The following FAM107B variants were observed in gnomAD, a reference collection of about 807,000 sequenced individuals.
The protein encoded by FAM107B is family with sequence similarity 107 member B, also known as protein FAM107B.
FAM107B carries 21 observed loss-of-function variants against 31.5 expected under a neutral mutation model. The ratio of observed to expected loss-of-function variants is 0.67; its 90% CI spans 0.47 to 0.96. The LOEUF is 0.96. Among genes scored for constraint, FAM107B ranks in the 40% least tolerant of loss-of-function variants. FAM107B has a pLI of 0.00. For missense variants in FAM107B, 452 were observed against 377.1 expected, an observed-to-expected ratio of 1.20 and a Z score of -1.64; for synonymous variants, 157 against 141.5, an observed-to-expected ratio of 1.11 and a Z score of -0.78.
intron 2 of FAM107B, among the ~76,000 whole-genome samples, chr10:14,631,406 T>C (rs969401248): frequency 2.0e-4 from 31 of 152,242 alleles, no homozygotes; most frequent in Non-Finnish European, 4.4e-5. Flanking sequence ...GTTATCTGTT[T>C]AAACAGAAGA....
chr10:14,543,420 G>A (rs1010881176), intron 2 of FAM107B, among the ~76,000 whole-genome samples: 3 of 152,158 alleles, frequency 2.0e-5, no homozygotes, highest in African/African-American at 7.2e-5. Context: ...GAAGGAGCAT[G>A]CAGTCCTGAG....
At chr10:14,645,708 G>A (rs868008182) in intron 2 of FAM107B, among the ~76,000 whole-genome samples, 9 of 152,232 alleles carry the variant, frequency 5.9e-5, no homozygotes, top group Middle Eastern at 3.4e-3. Context: ...GACAAACAGC[G>A]GCAATTCCAA....
chr10:14,605,661 T>C (rs1293014119), intron 2 of FAM107B, among the ~76,000 whole-genome samples: 2 of 152,228 alleles, frequency 1.3e-5, no homozygotes, highest in Admixed American at 6.5e-5. Context: ...GTGGAATCCC[T>C]GCCAGAGAAC....
intron 1 of FAM107B, among the ~76,000 whole-genome samples, chr10:14,677,863 T>C (rs1277054867): frequency 6.6e-6 from 1 of 152,178 alleles, no homozygotes; most frequent in African/African-American, 2.4e-5. Context: ...TCTTTGGATG[T>C]TTCTGGTGCA....
At chr10:14,773,709 C>T (rs879847885) in intron 1 of FAM107B, among the ~76,000 whole-genome samples, 3 of 152,134 alleles carry the variant, frequency 2.0e-5, no homozygotes, top group Non-Finnish European at 4.4e-5. Context: ...ATCACAAAAA[C>T]ATCCATATTA....
chr10:14,723,702 C>A lies in FAM107B; in HGVS notation c.411+50551G>T. 9.3e-6 allele frequency: 7 copies of A among 755,772 alleles called. No individual in the cohort carries two copies. In the East Asian group the frequency reaches 1.5e-4, roughly 16 times the overall value. The allele number at this position is 755,772 out of a possible 1,614,324, so 46.8% of individuals were successfully genotyped here. ...GGTCAGTAACCACAAGAAGTCATGG[C>A]TCCCAGAAGGCTGCCTGGATCTGGT... On this transcript the variant is annotated intron_variant, in intron 1 of 4. Transcript: ENST00000181796.
chr10:14,619,700 G>C (rs1475781504), intron 2 of FAM107B, among the ~76,000 whole-genome samples: 2 of 77,940 alleles, frequency 2.6e-5, no homozygotes, highest in African/African-American at 9.8e-5. Context: ...TTGTGTTTGT[G>C]TCCTAGCTAA....
intron 1 of FAM107B, chr10:14,723,052 T>C (rs911996619): frequency 8.5e-6 from 3 of 353,568 alleles, no homozygotes; most frequent in Admixed American, 3.8e-5. Flanking sequence ...TTAGGTCTTA[T>C]ATTTGTGTCT....
In FAM107B at chr10:14,560,579, A is replaced by G. The variant is rs533283212; in HGVS notation, c.470-30064T>C. Among the ~76,000 whole-genome samples, 17 of 152,296 alleles carry G rather than the reference A, an allele frequency of 1.1e-4. No homozygotes were observed. The South Asian group carries it at 3.5e-3, about 32-fold the overall frequency. On this transcript the variant is annotated intron_variant, in intron 2 of 4. Coordinates refer to ENST00000181796, the MANE Select transcript of FAM107B (RefSeq NM_031453.4). ...GAAATAGGGCTGAAGACGTGGACTG[A>G]GCAGTCGATGGAAGGCTCGGAAGTC...
chr10:14,756,155 G>T (rs1468534957), intron 1 of FAM107B, among the ~76,000 whole-genome samples: 1 of 152,110 alleles, frequency 6.6e-6, no homozygotes, highest in Non-Finnish European at 1.5e-5. Context: ...ATCAGGGGGA[G>T]CTTTATGGTA....
chr10:14,685,343 C>T (rs1854957872), intron 1 of FAM107B, among the ~76,000 whole-genome samples: 1 of 151,678 alleles, frequency 6.6e-6, no homozygotes, highest in Non-Finnish European at 1.5e-5. Context: ...GAGACGAGGC[C>T]TCACTATGTT....
At chr10:14,606,256 C>T (rs1411356280) in intron 2 of FAM107B, among the ~76,000 whole-genome samples, 1 of 152,102 alleles carries the variant, frequency 6.6e-6, no homozygotes, top group East Asian at 1.9e-4. Flanking sequence ...CCTAGCAGAC[C>T]TTCACCAATC....
At chr10:14,632,840 G>C (rs1242102666) in intron 2 of FAM107B, among the ~76,000 whole-genome samples, 1 of 152,072 alleles carries the variant, frequency 6.6e-6, no homozygotes, top group African/African-American at 2.4e-5. Flanking sequence ...AGAAATGCCA[G>C]CTAGGGAAGG....
chr10:14,773,506 T>C (rs1833351748), intron 1 of FAM107B, among the ~76,000 whole-genome samples: 1 of 152,214 alleles, frequency 6.6e-6, no homozygotes, highest in Non-Finnish European at 1.5e-5. Context: ...AAACCTTTCC[T>C]CTACACTGCA....
intron 1 of FAM107B, among the ~76,000 whole-genome samples, chr10:14,769,085 G>A (rs1308658907): frequency 6.6e-6 from 1 of 152,208 alleles, no homozygotes; most frequent in Non-Finnish European, 1.5e-5. Flanking sequence ...TGTGTCCCAT[G>A]TGTCACTAAA....
At chr10:14,550,544 ATG>A (rs1388401927) in intron 2 of FAM107B, among the ~76,000 whole-genome samples, 1 of 152,244 alleles carries the variant, frequency 6.6e-6, no homozygotes, top group Non-Finnish European at 1.5e-5. Flanking sequence ...CAGCAGCAGT[ATG>A]ACTCAGGGAA....
intron 1 of FAM107B, among the ~76,000 whole-genome samples, chr10:14,750,900 T>C (rs1832814215): frequency 6.6e-6 from 1 of 152,016 alleles, no homozygotes; most frequent in Non-Finnish European, 1.5e-5. Context: ...GTGGGGTGCA[T>C]GGGCAGATGC....
At chr10:14,529,678 TA>T (rs1846722861) in intron 3 of FAM107B, 1 of 152,158 alleles carries the variant, frequency 6.6e-6, no homozygotes, top group Non-Finnish European at 1.5e-5. Flanking sequence ...TCAGTTCTCC[TA>T]GTCTCCTGTC....
At chr10:14,709,619 T>G (rs952343561) in intron 1 of FAM107B, among the ~76,000 whole-genome samples, 3 of 152,138 alleles carry the variant, frequency 2.0e-5, no homozygotes, top group Non-Finnish European at 4.4e-5. Context: ...AAGATGAGAT[T>G]TGGGTGGGGA....
Sources: allele counts gnomAD v4.1 joint callset (sites outside exome capture counted in the v4.1 genomes callset), GRCh38; gene constraint gnomAD v4.1.1; transcripts MANE v1.5; gene names NCBI Gene and HGNC (gene_info 2026-07-23, HGNC 2026-07-21).